The following CNBD2 variants were observed in gnomAD, a reference collection of about 807,000 sequenced individuals.
The protein encoded by CNBD2 is cyclic nucleotide-binding domain-containing protein 2.
In CNBD2, 64 loss-of-function variants were observed where a neutral mutation model predicts 63.7. That is an observed-to-expected ratio of 1.00 (90% CI 0.82 to 1.24). The LOEUF (loss-of-function observed/expected upper bound fraction) is 1.24, where lower values mean the gene tolerates loss of function less well. CNBD2 is among the 50% of genes most tolerant of loss of function. CNBD2 has a pLI of 0.00. For missense variants in CNBD2, 691 were observed against 713.5 expected, an observed-to-expected ratio of 0.97 and a Z score of 0.36; for synonymous variants, 229 against 255.4, an observed-to-expected ratio of 0.90 and a Z score of 0.99.
intron 10 of CNBD2, among the ~76,000 whole-genome samples, chr20:36,020,229 C>T (rs939835148): frequency 1.3e-5 from 2 of 152,104 alleles, no homozygotes; most frequent in Admixed American, 6.6e-5. Context: ...ACTACAAGCA[C>T]CCGCACCACG....
intron 8 of CNBD2, among the ~76,000 whole-genome samples, chr20:36,000,551 ATTTG>A (rs766626000): frequency 2.7e-5 from 4 of 150,802 alleles, no homozygotes; most frequent in Non-Finnish European, 4.4e-5. Context: ...TAATTTTTGT[ATTTG>A]TTGTTGTTGT....
intron 7 of CNBD2, among the ~76,000 whole-genome samples, chr20:35,990,352 C>T (rs943273571): frequency 3.3e-5 from 5 of 152,134 alleles, no homozygotes; most frequent in South Asian, 2.1e-4. Flanking sequence ...ATTATTGCTC[C>T]GGGCGCCGTG....
In CNBD2 at chr20:35,996,508, GT is replaced by G. The variant is rs1275063891; in HGVS notation, c.970+1372del. ...TAATTCTCATAATAGCTCTCTTTTT[GT>G]TTTTTTTTTTTTTTTGGAGACAGAG... On this transcript the variant is annotated intron_variant, in intron 8 of 11. Transcript: ENST00000373973. Among the ~76,000 whole-genome samples, 457 of 132,144 alleles carry G rather than the reference GT, an allele frequency of 3.5e-3. 1 individual carries two copies. Among genetic ancestry groups the G allele is most frequent in the African/African-American group, 0.01 (364 of 35,556 alleles). 86.7% of individuals were successfully genotyped at this position (132,144 alleles called of 152,430 possible).
At chr20:36,022,346 G>A (rs1328766581) in intron 10 of CNBD2, among the ~76,000 whole-genome samples, 1 of 151,172 alleles carries the variant, frequency 6.6e-6, no homozygotes, top group Non-Finnish European at 1.5e-5. Context: ...CTACAGGCAC[G>A]TGCCACCATG....
intron 8 of CNBD2, among the ~76,000 whole-genome samples, chr20:35,999,468 A>C (rs1369255120): frequency 6.6e-6 from 1 of 151,916 alleles, no homozygotes; most frequent in Non-Finnish European, 1.5e-5. Flanking sequence ...TTATTTTCAC[A>C]GTTGCTTTAT....
At chr20:35,969,879 C>T (rs1470540744) in intron 1 of CNBD2, among the ~76,000 whole-genome samples, 1 of 152,214 alleles carries the variant, frequency 6.6e-6, no homozygotes, top group Non-Finnish European at 1.5e-5. Context: ...ATAATGTTGC[C>T]AAATTGCTCT....
chr20:35,998,260 T>G (rs576300316), intron 8 of CNBD2, among the ~76,000 whole-genome samples: 6 of 152,024 alleles, frequency 3.9e-5, no homozygotes, highest in African/African-American at 1.4e-4. Context: ...AGGCTGGGCT[T>G]GAACTCCTGA....
rs116091103 is a variant in CNBD2 at position 36,006,398 on chromosome 20, T to C, written c.971-1899T>C. ...TAATAGAGTGCACATATTTTATGTGTATAGTTAAATGACAAATTAGAAAAA... is the reference window on the plus strand; with the variant it reads ...TAATAGAGTGCACATATTTTATGTGCATAGTTAAATGACAAATTAGAAAAA... On this transcript the variant is annotated intron_variant, in intron 8 of 11. Coordinates refer to ENST00000373973, the MANE Select transcript of CNBD2 (RefSeq NM_001365709.1). 5.1e-3 allele frequency among the ~76,000 whole-genome samples: 777 copies of C among 151,984 alleles called. 9 individuals are homozygous for C. The highest frequency in any genetic ancestry group is 0.018 in the African/African-American group (752 of 41,432).
At chr20:36,023,913 A>G in intron 11 of CNBD2, 142 bp downstream of exon 11, 1 of 629,512 alleles carries the variant, frequency 1.6e-6, no homozygotes, top group Non-Finnish European at 2.6e-6. Context: ...CACTCTAGAT[A>G]GGCTCAATCC....
intron 10 of CNBD2, among the ~76,000 whole-genome samples, chr20:36,023,306 C>T (rs1206363767): frequency 1.3e-5 from 2 of 152,080 alleles, no homozygotes; most frequent in Non-Finnish European, 2.9e-5. Flanking sequence ...GGGTAGATCA[C>T]CTGAGGTCAG....
At chr20:35,972,501 T>C in intron 1 of CNBD2, 128 bp from the exon 2 acceptor site, 2 of 876,510 alleles carry the variant, frequency 2.3e-6, no homozygotes, top group Non-Finnish European at 3.6e-6. Flanking sequence ...TAACCATCAC[T>C]CCAGCACACT....
In CNBD2 at chr20:35,975,988, T is replaced by A. The variant is rs148293467; in HGVS notation, c.229T>A (p.Phe77Ile). 1 of 1,613,046 alleles carries A rather than the reference T, an allele frequency of 6.2e-7. No homozygotes were observed. The highest frequency in any genetic ancestry group is 2.2e-5 in the East Asian group (1 of 44,860). Reference protein sequence around the residue: ...QSRVTFDTMDFIAEEGHFPPK... With the variant: ...QSRVTFDTMDIIAEEGHFPPK... ...CCGAGTCACATTTGATACCATGGACTTCATTGCAGAGGAGGTATGCATAGC... is the reference window on the plus strand; with the variant it reads ...CCGAGTCACATTTGATACCATGGACATCATTGCAGAGGAGGTATGCATAGC... Residue 77 changes from phenylalanine to isoleucine, a missense_variant, in exon 3 of 12, where the codon TTC becomes ATC. Phe to Ile is a conservative substitution (Grantham distance 21, BLOSUM62 0). Coordinates refer to ENST00000373973, the MANE Select transcript of CNBD2 (RefSeq NM_001365709.1).
At chr20:36,005,727 G>A (rs1386573322) in intron 8 of CNBD2, among the ~76,000 whole-genome samples, 2 of 151,846 alleles carry the variant, frequency 1.3e-5, no homozygotes, top group African/African-American at 2.4e-5. Flanking sequence ...GAGGTAGACG[G>A]ATCACGAGGT....
At chr20:35,989,214 A>G (rs780700767) in intron 7 of CNBD2, among the ~76,000 whole-genome samples, 1 of 152,248 alleles carries the variant, frequency 6.6e-6, no homozygotes, top group Non-Finnish European at 1.5e-5. Context: ...CTCTGACTGC[A>G]AAGATATTTT....
At chr20:36,018,279 G>C (rs909651678) in intron 10 of CNBD2, among the ~76,000 whole-genome samples, 3 of 152,092 alleles carry the variant, frequency 2.0e-5, no homozygotes, top group African/African-American at 7.2e-5. Flanking sequence ...TCAGGAACAG[G>C]AACAACAGGG....
Position 35,968,792 on chromosome 20 carries a change from G to T in CNBD2, c.30G>T (p.Trp10Cys). 1 of 1,608,634 alleles carries T rather than the reference G, an allele frequency of 6.2e-7. No individual in the cohort carries two copies. The highest frequency in any genetic ancestry group is 8.5e-7 in the Non-Finnish European group (1 of 1,178,088). Residue 10 changes from tryptophan (W) to cysteine (C), a missense_variant, in exon 1 of 12, where the codon TGG (tryptophan) becomes TGT (cysteine). Physicochemically the swap from Trp to Cys is radical, Grantham distance 215. Coordinates refer to ENST00000373973, the MANE Select transcript of CNBD2 (RefSeq NM_001365709.1). MRRHMVTYA[W>C]QLLKKELGLY... ...GGAGACATATGGTAACTTATGCCTG[G>T]CAGCTCCTGAAGAAGGAACTGGTGA...
chr20:35,975,058 G>A (rs1196250521), intron 2 of CNBD2: 1 of 144,516 alleles, frequency 6.9e-6, no homozygotes, highest in Non-Finnish European at 1.5e-5. Context: ...CTGGAGTGCA[G>A]TGGCGCGATC....
chr20:36,002,210 C>T lies in CNBD2; in HGVS notation c.971-6087C>T, dbSNP rs535088103. ...AGGAGCTGGAGACCAGCCCGGCCAA[C>T]ACAGCGAAACCCCGTCTCCACCAAA... is the stretch of plus-strand genomic sequence containing the variant. On this transcript the variant is annotated intron_variant, in intron 8 of 11. Transcript: ENST00000373973. Among the ~76,000 whole-genome samples the T allele has an allele frequency of 2.4e-4, 36 of 152,338 alleles. No individual in the cohort carries two copies. In the East Asian group the frequency reaches 6.6e-3, roughly 28 times the overall value.
At chr20:36,000,955 G>C (rs1476223109) in intron 8 of CNBD2, among the ~76,000 whole-genome samples, 4 of 147,330 alleles carry the variant, frequency 2.7e-5, no homozygotes, top group East Asian at 2.0e-4. Context: ...GACTCTTAAC[G>C]AGCATGCTGC....
Sources: gnomAD v4.1 joint callset for allele counts (sites outside exome capture counted in the v4.1 genomes callset) on GRCh38, gnomAD v4.1.1 for gene constraint, MANE v1.5 for transcripts, NCBI Gene and HGNC (gene_info 2026-07-23, HGNC 2026-07-21) for gene names.